Variants in VWA5B1 observed in about 807,000 individuals in gnomAD.
VWA5B1 encodes the protein von Willebrand factor A domain containing 5B1, also known as von Willebrand factor A domain-containing protein 5B1.
VWA5B1 carries 115 observed loss-of-function variants against 118.2 expected under a neutral mutation model. The ratio of observed to expected loss-of-function variants is 0.97; its 90% CI spans 0.84 to 1.14. VWA5B1 has a LOEUF of 1.14. Among genes scored for constraint, VWA5B1 ranks in the 50% most tolerant of loss-of-function variants. VWA5B1 has a pLI of 0.00. For missense variants in VWA5B1, 1,596 were observed against 1,603.8 expected, an observed-to-expected ratio of 1.00 and a Z score of 0.08; for synonymous variants, 682 against 658.4, an observed-to-expected ratio of 1.04 and a Z score of -0.55.
chr1:20,294,029 G>A (rs1250593944), intron 1 of VWA5B1, among the ~76,000 whole-genome samples: 4 of 152,178 alleles, frequency 2.6e-5, no homozygotes, highest in African/African-American at 9.7e-5. Flanking sequence ...ATAGGGAAAG[G>A]AATGAAAACC....
At chr1:20,333,051 C>A in intron 12 of VWA5B1, 100 bp downstream of exon 12, 1 of 1,398,174 alleles carries the variant, frequency 7.2e-7, no homozygotes, top group Non-Finnish European at 9.6e-7. Context: ...TAGAAACCAA[C>A]TGGAAGTGGG....
At chr1:20,349,352 C>CA (rs2090075294) in intron 18 of VWA5B1, 1 of 153,870 alleles carries the variant, frequency 6.5e-6, no homozygotes, top group Non-Finnish European at 1.4e-5. Context: ...TGGCTTCCAT[C>CA]AAAATCACAA....
chr1:20,330,863 C>T lies in VWA5B1; in HGVS notation c.1458-6C>T, dbSNP rs777875318. On this transcript the variant is annotated splice_polypyrimidine_tract_variant and splice_region_variant and intron_variant, in intron 10 of 21. Transcript: ENST00000289815. ...CATAGCAGCCTCTCTTCTCCCTTTC[C>T]GCCAGGTGCTATAGCTTTGGAATTG... is the stretch of plus-strand genomic sequence containing the variant. 31 of 1,551,490 alleles carry T rather than the reference C, an allele frequency of 2.0e-5. No individual in the cohort carries two copies. Among genetic ancestry groups the T allele is most frequent in the African/African-American group, 1.8e-4 (13 of 73,164 alleles).
At chr1:20,317,155 CAAAAAAAAAAA>C (rs367872784) in intron 4 of VWA5B1, among the ~76,000 whole-genome samples, 1 of 70,528 alleles carries the variant, frequency 1.4e-5, no homozygotes, top group Non-Finnish European at 2.8e-5. Context: ...GACTGCATCT[CAAAAAAAAAAA>C]AAAAAAAAAA....
intron 1 of VWA5B1, among the ~76,000 whole-genome samples, chr1:20,296,560 C>CT (rs2088410640): frequency 6.6e-6 from 1 of 152,126 alleles, no homozygotes; most frequent in Admixed American, 6.5e-5. Context: ...GAAATATGAC[C>CT]TTTTTAAAAA....
intron 1 of VWA5B1, among the ~76,000 whole-genome samples, chr1:20,306,118 C>T (rs1557831313): frequency 6.6e-6 from 1 of 152,110 alleles, no homozygotes; most frequent in Non-Finnish European, 1.5e-5. Context: ...GAGAGACATG[C>T]TATGGAAAAA....
At position 20,343,116 on chromosome 1, in the gene VWA5B1, G is replaced by A. The variant is rs2089919211; in HGVS notation, c.2349G>A (p.Thr783=). 5.2e-6 allele frequency: 8 copies of A among 1,538,020 alleles called. No individual in the cohort carries two copies. The highest frequency in any genetic ancestry group is 7.0e-6 in the Non-Finnish European group (8 of 1,138,052). ...ATCCCTCTGCCTTCGAGACAGAGAC[G>A]TCCTCGGACTGGGACCCCCCAGCCG... ...SHHPSAFETE[T]SSDWDPPAES... is the part of the protein sequence containing the mutation. The change falls in exon 16 of 22, where the codon ACG becomes ACA. Residue 783 remains threonine, a synonymous_variant. Coordinates refer to ENST00000289815, the MANE Select transcript of VWA5B1 (RefSeq NM_001039500.3).
At chr1:20,326,717 C>T (rs949637688) in intron 8 of VWA5B1, among the ~76,000 whole-genome samples, 1 of 151,826 alleles carries the variant, frequency 6.6e-6, no homozygotes, top group Non-Finnish European at 1.5e-5. Context: ...CCAAAGTGCT[C>T]GGATTACAAG....
chr1:20,335,169 G>A (rs2089676575), intron 12 of VWA5B1, among the ~76,000 whole-genome samples: 1 of 152,114 alleles, frequency 6.6e-6, no homozygotes, highest in Non-Finnish European at 1.5e-5. Context: ...TAAAAAATTA[G>A]CCAGACGTGG....
chr1:20,342,420 T>G lies in VWA5B1; in HGVS notation c.2134-12T>G. The G allele has an allele frequency of 6.5e-7, 1 of 1,549,438 alleles. No individual in the cohort carries two copies. The highest frequency in any genetic ancestry group is 1.2e-5 in the South Asian group (1 of 83,950). ...CCTCCTCCTCTTTCTCTTTCTCCTC[T>G]TCCATCCCTAGCCCTTGCTGAACAG... On this transcript the variant is annotated splice_polypyrimidine_tract_variant and intron_variant, in intron 14 of 21. Coordinates refer to ENST00000289815, the MANE Select transcript of VWA5B1 (RefSeq NM_001039500.3).
At position 20,319,506 on chromosome 1, in the gene VWA5B1, G is replaced by A. The variant is rs776886977; in HGVS notation, c.966G>A (p.Lys322=). ...GMKKKSRAER[K]TEIIRKRLHK... is the part of the protein sequence containing the mutation. The stretch of plus-strand genomic sequence containing the variant: ...AGAAGAAGAGCAGAGCAGAGCGGAA[G>A]GTGAGGGCAACTGAGGTGGGGAGCG... The change falls in exon 7 of 22, where the codon AAG becomes AAA. Residue 322 remains lysine, a splice_region_variant and synonymous_variant. Coordinates refer to ENST00000289815, the MANE Select transcript of VWA5B1 (RefSeq NM_001039500.3). The A allele has an allele frequency of 3.2e-6, 5 of 1,551,630 alleles. No homozygotes were observed. In the South Asian group the frequency reaches 5.9e-5, roughly 18 times the overall value.
chr1:20,321,347 G>T (rs761568564), intron 7 of VWA5B1, among the ~76,000 whole-genome samples: 41 of 152,300 alleles, frequency 2.7e-4, no homozygotes, highest in Non-Finnish European at 4.7e-4. Context: ...AGCACTCTGG[G>T]AGGCCGAGAC....
chr1:20,304,101 A>G (rs12134413), intron 1 of VWA5B1, among the ~76,000 whole-genome samples: 2 of 152,192 alleles, frequency 1.3e-5, no homozygotes. Context: ...GAGCTGGAAC[A>G]AGGCAAAGGA....
At chr1:20,329,551 C>A (rs1262168731) in intron 9 of VWA5B1, among the ~76,000 whole-genome samples, 1 of 152,200 alleles carries the variant, frequency 6.6e-6, no homozygotes, top group East Asian at 1.9e-4. Flanking sequence ...TCAAGTGATC[C>A]ACCTGCCTTG....
intron 1 of VWA5B1, among the ~76,000 whole-genome samples, chr1:20,298,782 T>C (rs1490282762): frequency 6.6e-6 from 1 of 152,152 alleles, no homozygotes; most frequent in Admixed American, 6.5e-5. Context: ...CTCCTCTCTC[T>C]GCTTCCTTGT....
intron 7 of VWA5B1, among the ~76,000 whole-genome samples, chr1:20,320,424 G>T (rs1222000877): frequency 6.6e-6 from 1 of 152,218 alleles, no homozygotes; most frequent in East Asian, 1.9e-4. Flanking sequence ...TCTCCCAGAG[G>T]TGCCCCTCAG....
Position 20,314,198 on chromosome 1 carries a change from A to G in VWA5B1, c.293-124A>G, listed in dbSNP as rs10158438. On this transcript the variant is annotated intron_variant, in intron 3 of 21. Coordinates refer to ENST00000289815, the MANE Select transcript of VWA5B1 (RefSeq NM_001039500.3). ...AATGGCTTACTTATTCACAAGTCAC[A>G]CCCTCAAGCTGAGCCTTGATTTTCC... is the stretch of plus-strand genomic sequence containing the variant. 3,650 of 1,000,780 alleles carry G rather than the reference A, an allele frequency of 3.6e-3. 80 individuals are homozygous for G. The African/African-American group carries it at 0.049, about 13-fold the overall frequency. 62.0% of individuals were successfully genotyped at this position (1,000,780 alleles called of 1,614,324 possible).
chr1:20,321,135 A>G, intron 7 of VWA5B1, among the ~76,000 whole-genome samples: 1 of 148,952 alleles, frequency 6.7e-6, no homozygotes, highest in South Asian at 2.1e-4. Context: ...AAAAACACGA[A>G]AAGATGCACA....
intron 8 of VWA5B1, among the ~76,000 whole-genome samples, chr1:20,326,984 A>T (rs573869948): frequency 6.6e-6 from 1 of 152,272 alleles, no homozygotes; most frequent in African/African-American, 2.4e-5. Context: ...CTTGATATTT[A>T]TCATTGCATT....
Sources: allele counts gnomAD v4.1 joint callset (sites outside exome capture counted in the v4.1 genomes callset), GRCh38; gene constraint gnomAD v4.1.1; transcripts MANE v1.5; gene names NCBI Gene and HGNC (gene_info 2026-07-23, HGNC 2026-07-21).